The following GATA5 variants were observed in gnomAD, a reference collection of about 807,000 sequenced individuals.
GATA5 encodes GATA binding protein 5, also known as transcription factor GATA-5.
GATA5 carries 27 observed loss-of-function variants against 35.0 expected under a neutral mutation model. The observed-to-expected ratio is 0.77, with a 90% confidence interval of 0.57 to 1.06. The LOEUF (loss-of-function observed/expected upper bound fraction) is 1.06. Ranked by LOEUF, GATA5 falls within the 50% of genes least tolerant of loss-of-function variation. GATA5 has a pLI of 0.00. For synonymous variants in GATA5, 306 were observed against 267.8 expected (o/e 1.14, Z -1.39); for missense variants, 612 against 580.0 (o/e 1.06, Z -0.57).
At chr20:62,467,685 A>T (rs1989624950) in intron 3 of GATA5, among the ~76,000 whole-genome samples, 2 of 152,232 alleles carry the variant, frequency 1.3e-5, no homozygotes, top group African/African-American at 2.4e-5. Context: ...AGCCAGGGCC[A>T]GACCATCAGT....
chr20:62,463,873 C>T lies in GATA5; in HGVS notation c.*963G>A. The T allele has an allele frequency of 6.6e-6, 1 of 152,510 alleles. No homozygotes were observed. Among genetic ancestry groups the T allele is most frequent in the Non-Finnish European group, 1.5e-5 (1 of 68,148 alleles). 9.4% of individuals were successfully genotyped at this position (152,510 alleles called of 1,614,324 possible). A position where few individuals can be genotyped will look rare whatever the true frequency, so the allele number is the denominator to read the frequency against. ...CCCTGTGGCCTCCTGACATACATCA[C>T]CGGCCATTCACAGCTGCGTCGGGTA... On this transcript the variant is annotated 3_prime_UTR_variant, in exon 7 of 7. Coordinates refer to ENST00000252997, the MANE Select transcript of GATA5 (RefSeq NM_080473.5).
chr20:62,473,437 A>G lies in GATA5; in HGVS notation c.665T>C (p.Val222Ala). The change falls in exon 3 of 7, where the codon GTC becomes GCC. Residue 222 changes from valine (V) to alanine (A), a missense_variant. Transcript: ENST00000252997. ...ACGLYHKMNG[V>A]NRPLVRPQKR... ...CTGAGGCCGAACGAGCGGCCGGTTGACGCCATTCATCTTGTGGTAGAGGCC... is the reference window on the plus strand; with the variant it reads ...CTGAGGCCGAACGAGCGGCCGGTTGGCGCCATTCATCTTGTGGTAGAGGCC... 1 of 1,610,940 alleles carries G rather than the reference A, an allele frequency of 6.2e-7. No individual in the cohort carries two copies. Among genetic ancestry groups the G allele is most frequent in the South Asian group, 1.1e-5 (1 of 90,666 alleles).
chr20:62,464,593 G>A lies in GATA5; in HGVS notation c.*243C>T, dbSNP rs527750293. 7.3e-6 allele frequency: 3 copies of A among 408,200 alleles called. No homozygotes were observed. Among genetic ancestry groups the A allele is most frequent in the African/African-American group, 6.2e-5 (3 of 48,060 alleles). 25.3% of individuals were successfully genotyped at this position (408,200 alleles called of 1,614,324 possible). ...GGTCCGGAGCCTTGGGCCGCACCTG[G>A]GGAGTCCCTTGCTGTACGTGGGGTG... On this transcript the variant is annotated 3_prime_UTR_variant, in exon 7 of 7. Transcript: ENST00000252997.
chr20:62,466,389 A>G, intron 4 of GATA5, 37 bp downstream of exon 4: 1 of 1,549,026 alleles, frequency 6.5e-7, no homozygotes, highest in Non-Finnish European at 8.7e-7. Flanking sequence ...GAGGCTGGAC[A>G]GAGGCCTCCC....
At position 62,473,582 on chromosome 20, in the gene GATA5, A is replaced by G. The variant is rs1166867272; in HGVS notation, c.524-4T>C. The G allele has an allele frequency of 1.9e-6, 3 of 1,583,196 alleles. No individual in the cohort carries two copies. Among genetic ancestry groups the G allele is most frequent in the Non-Finnish European group, 2.6e-6 (3 of 1,164,426 alleles). ...AACTCCTCCAAGAAGTCGGACACTG[A>G]GGGGACAGGCAGCTGGTGGGCCCGG... On this transcript the variant is annotated splice_polypyrimidine_tract_variant and splice_region_variant and intron_variant, in intron 2 of 6. Coordinates refer to ENST00000252997, the MANE Select transcript of GATA5 (RefSeq NM_080473.5).
intron 3 of GATA5, among the ~76,000 whole-genome samples, chr20:62,469,983 G>A (rs2146484818): frequency 6.6e-6 from 1 of 152,322 alleles, no homozygotes; most frequent in South Asian, 2.1e-4. Context: ...CCTCCTCACT[G>A]CCCAACAAGC....
Position 62,464,757 on chromosome 20 carries a change from TG to T in GATA5, c.*78del. Reference sequence around the variant, plus strand: ...GGGGGCCTGCTGGTCTCTGCTGTGCTGGAGCAAAGCAGGCACGGAGGTGACT... The same window carrying T: ...GGGGGCCTGCTGGTCTCTGCTGTGCTGAGCAAAGCAGGCACGGAGGTGACT... On this transcript the variant is annotated 3_prime_UTR_variant, in exon 7 of 7. Coordinates refer to ENST00000252997, the MANE Select transcript of GATA5 (RefSeq NM_080473.5). 7.7e-7 allele frequency: 1 copy of T among 1,302,780 alleles called. No homozygotes were observed. The highest frequency in any genetic ancestry group is 1.0e-6 in the Non-Finnish European group (1 of 957,032). 80.7% of individuals were successfully genotyped at this position (1,302,780 alleles called of 1,614,324 possible).
chr20:62,466,079 G>T (rs1989579561), intron 4 of GATA5, among the ~76,000 whole-genome samples, 158 bp from the exon 5 acceptor site: 1 of 152,196 alleles, frequency 6.6e-6, no homozygotes, highest in African/African-American at 2.4e-5. Context: ...GGCTGGGTGA[G>T]GGGGAGCCCG....
chr20:62,469,642 G>A (rs1468444745), intron 3 of GATA5, among the ~76,000 whole-genome samples: 5 of 152,352 alleles, frequency 3.3e-5, no homozygotes, highest in East Asian at 3.9e-4. Flanking sequence ...GCACCCCTGC[G>A]AGTGCCAGGG....
Position 62,475,208 on chromosome 20 carries a change from C to A in GATA5, c.314G>T (p.Gly105Val), listed in dbSNP as rs1989824600. The A allele has an allele frequency of 4.0e-6, 5 of 1,254,806 alleles. No homozygotes were observed. Among genetic ancestry groups the A allele is most frequent in the Non-Finnish European group, 4.0e-6 (4 of 998,334 alleles). The allele number at this position is 1,254,806 out of a possible 1,614,324, so 77.7% of individuals were successfully genotyped here. The change falls in exon 2 of 7, where the codon GGC (glycine) becomes GTC (valine). Residue 105 changes from glycine to valine, a missense_variant. Gly to Val is a moderately radical substitution (Grantham distance 109). Coordinates refer to ENST00000252997, the MANE Select transcript of GATA5 (RefSeq NM_080473.5). ...FAHSPSGPGS[G>V]GSAGGRDGSA... is the part of the protein sequence containing the mutation. ...GCCGTCTCGGCCCCCCGCGCTGCCG[C>A]CGCTGCCGGGCCCCGAGGGGCTGTG...
At chr20:62,465,105 A>G (rs1989547270) in intron 6 of GATA5, 114 bp from the exon 7 acceptor site, 1 of 974,190 alleles carries the variant, frequency 1.0e-6, no homozygotes, top group Admixed American at 2.8e-5. Flanking sequence ...GCCCTTAGGG[A>G]CCCCCTGATG....
chr20:62,472,400 C>A (rs557486711), intron 3 of GATA5, among the ~76,000 whole-genome samples: 1 of 152,178 alleles, frequency 6.6e-6, no homozygotes, highest in Non-Finnish European at 1.5e-5. Flanking sequence ...AGAGCTGCAC[C>A]GGCATAGCAC....
intron 3 of GATA5, 26 bp downstream of exon 3, chr20:62,473,377 C>A: frequency 4.4e-6 from 7 of 1,586,264 alleles, no homozygotes; most frequent in Non-Finnish European, 5.1e-6. Context: ...TGCGCCCAGG[C>A]GCCCCTCTGC....
At chr20:62,471,643 C>A (rs1457760633) in intron 3 of GATA5, among the ~76,000 whole-genome samples, 2 of 151,306 alleles carry the variant, frequency 1.3e-5, no homozygotes, top group African/African-American at 4.9e-5. Context: ...GTTGCCCAAG[C>A]TGGTTTCGAA....
intron 3 of GATA5, among the ~76,000 whole-genome samples, chr20:62,471,863 G>A (rs944023510): frequency 2.6e-5 from 4 of 151,738 alleles, no homozygotes; most frequent in Non-Finnish European, 5.9e-5. Context: ...TGAGTAGCTG[G>A]GACCACAGGT....
chr20:62,465,016 A>G, intron 6 of GATA5, 25 bp from the exon 7 acceptor site: 1 of 688,896 alleles, frequency 1.5e-6, no homozygotes, highest in Non-Finnish European at 2.2e-6. Context: ...GAGCGTGAGA[A>G]TGTGGGGTGG....
chr20:62,472,960 C>T (rs1989757998), intron 3 of GATA5, among the ~76,000 whole-genome samples: 1 of 152,250 alleles, frequency 6.6e-6, no homozygotes, highest in Non-Finnish European at 1.5e-5. Flanking sequence ...AAGTATCCAG[C>T]AGCCACCTTC....
intron 3 of GATA5, among the ~76,000 whole-genome samples, chr20:62,469,545 A>T (rs1164484990): frequency 6.6e-6 from 1 of 152,234 alleles, no homozygotes; most frequent in Non-Finnish European, 1.5e-5. Flanking sequence ...CACGTCTGAG[A>T]CACGGGTTGT....
In GATA5 at chr20:62,473,489, T is replaced by C. The variant is rs782656299; in HGVS notation, c.613A>G (p.Thr205Ala). 1 of 1,610,608 alleles carries C rather than the reference T, an allele frequency of 6.2e-7. No homozygotes were observed. Among genetic ancestry groups the C allele is most frequent in the Admixed American group, 1.7e-5 (1 of 59,772 alleles). Residue 205 changes from threonine (T) to alanine (A), a missense_variant, in exon 3 of 7, where the codon ACC becomes GCC. Thr to Ala is a moderately conservative substitution (Grantham distance 58, BLOSUM62 0). Coordinates refer to ENST00000252997, the MANE Select transcript of GATA5 (RefSeq NM_080473.5). ...CAGGCATTGCACAGGTAGTGGCCGGTGCCGTCTCGGCGCCACAGCGGTGTG... is the reference window on the plus strand; with the variant it reads ...CAGGCATTGCACAGGTAGTGGCCGGCGCCGTCTCGGCGCCACAGCGGTGTG... ...LSTPLWRRDG[T>A]GHYLCNACGL... is the part of the protein sequence containing the mutation.
Sources: allele counts gnomAD v4.1 joint callset (sites outside exome capture counted in the v4.1 genomes callset), GRCh38; gene constraint gnomAD v4.1.1; transcripts MANE v1.5; gene names NCBI Gene and HGNC (gene_info 2026-07-23, HGNC 2026-07-21).